The following WDFY4 variants were observed in gnomAD, a reference collection of about 807,000 sequenced individuals.
WDFY4 encodes WD repeat- and FYVE domain-containing protein 4.
In WDFY4, 169 loss-of-function variants were observed where a neutral mutation model predicts 351.9. The ratio of observed to expected loss-of-function variants is 0.48; its 90% CI spans 0.42 to 0.55. WDFY4 has a LOEUF of 0.55. Ranked by LOEUF, WDFY4 falls within the 20% of genes least tolerant of loss-of-function variation. WDFY4 has a pLI of 0.00. For synonymous variants in WDFY4, 1,622 were observed against 1,574.6 expected (o/e 1.03, Z -0.71); for missense variants, 3,803 against 3,935.6 (o/e 0.97, Z 0.90).
intron 2 of WDFY4, among the ~76,000 whole-genome samples, chr10:48,719,087 A>AT (rs1231307331): frequency 1.3e-5 from 2 of 152,246 alleles, no homozygotes; most frequent in Admixed American, 6.5e-5. Flanking sequence ...AGATTGAGAA[A>AT]TTTGATTTCA....
intron 13 of WDFY4, among the ~76,000 whole-genome samples, chr10:48,768,316 C>A (rs372867485): frequency 6.6e-6 from 1 of 152,166 alleles, no homozygotes; most frequent in South Asian, 2.1e-4. Flanking sequence ...CTTGCCCATG[C>A]GCTGGCATGG....
rs373326719 is a variant in WDFY4, at chr10:48,810,769, C to T, written c.5044+34C>T. On this transcript the variant is annotated intron_variant, in intron 29 of 61. Coordinates refer to ENST00000325239, the MANE Select transcript of WDFY4 (RefSeq NM_001394531.1). The stretch of plus-strand genomic sequence containing the variant: ...GTGGCTGTCTCCAGGGAGTGGGGCA[C>T]CACCTAGTCCTGGGATGTGAATGAG... 4.5e-5 allele frequency: 66 copies of T among 1,478,956 alleles called. No homozygotes were observed. In the African/African-American group the frequency reaches 8.8e-4, roughly 20 times the overall value. The allele number at this position is 1,478,956 out of a possible 1,614,324, so 91.6% of individuals were successfully genotyped here.
Position 48,727,486 on chromosome 10 carries a change from G to A in WDFY4, c.798G>A (p.Arg266=). The part of the protein sequence containing the change: ...IQYLQATDCV[R]LSLQNLSRLT... The stretch of plus-strand genomic sequence containing the variant: ...CTCCTGCAGCCACAGACTGTGTCAG[G>A]CTCTCCCTCCAGAACCTCTCCAGGC... Residue 266 remains arginine (R), a synonymous_variant, in exon 7 of 62, where the codon AGG becomes AGA. Coordinates refer to ENST00000325239, the MANE Select transcript of WDFY4 (RefSeq NM_001394531.1). 2 of 1,551,674 alleles carry A rather than the reference G, an allele frequency of 1.3e-6. No individual in the cohort carries two copies. Among genetic ancestry groups the A allele is most frequent in the East Asian group, 2.4e-5 (1 of 40,920 alleles).
chr10:48,891,788 C>T (rs974805705), intron 44 of WDFY4, among the ~76,000 whole-genome samples: 3 of 152,228 alleles, frequency 2.0e-5, no homozygotes, highest in African/African-American at 7.2e-5. Context: ...TTTTAGGCTG[C>T]TGACTGAGGA....
chr10:48,743,693 G>A (rs1175074137), intron 12 of WDFY4, 145 bp downstream of exon 12: 1 of 972,220 alleles, frequency 1.0e-6, no homozygotes, highest in African/African-American at 1.6e-5. Flanking sequence ...CTCAAATCAA[G>A]TTAGCTCTGA....
In WDFY4 at chr10:48,867,247, G is replaced by A; in HGVS notation, c.6664-18G>A. The A allele has an allele frequency of 7.6e-7, 1 of 1,313,940 alleles. No individual in the cohort carries two copies. 81.4% of individuals were successfully genotyped at this position (1,313,940 alleles called of 1,614,324 possible). ...CACAACTATCATTAAGCTGTGACTTGTTTTCTCCTTTCTCCAGGATTTTGT... is the reference window on the plus strand; with the variant it reads ...CACAACTATCATTAAGCTGTGACTTATTTTCTCCTTTCTCCAGGATTTTGT... On this transcript the variant is annotated intron_variant, in intron 39 of 61. Transcript: ENST00000325239.
At chr10:48,907,945 G>A (rs7086101) in intron 47 of WDFY4, among the ~76,000 whole-genome samples, 43,872 of 152,200 alleles carry the variant, frequency 0.29, 7,627 homozygotes, top group East Asian at 0.72. Context: ...CTCAAAATGA[G>A]AGTGACAGCC....
intron 44 of WDFY4, among the ~76,000 whole-genome samples, chr10:48,891,330 A>G (rs1283561358): frequency 6.6e-6 from 1 of 152,236 alleles, no homozygotes; most frequent in Non-Finnish European, 1.5e-5. Flanking sequence ...GACCTTTGGC[A>G]GGAAATGCCA....
Position 48,864,011 on chromosome 10 carries a change from C to G in WDFY4, c.6664-3254C>G, listed in dbSNP as rs539176393. On this transcript the variant is annotated intron_variant, in intron 39 of 61. Coordinates refer to ENST00000325239, the MANE Select transcript of WDFY4 (RefSeq NM_001394531.1). Reference sequence around the variant, plus strand: ...CACACCATGATTTAGTTGCCTCCACCTGGTCTCCCCCTTGACACGTGGAAA... The same window carrying G: ...CACACCATGATTTAGTTGCCTCCACGTGGTCTCCCCCTTGACACGTGGAAA... Among the ~76,000 whole-genome samples, 6 of 152,266 alleles carry G rather than the reference C, an allele frequency of 3.9e-5. No homozygotes were observed. In the East Asian group the frequency reaches 1.2e-3, roughly 29 times the overall value.
chr10:48,752,655 T>G (rs2065218126), intron 12 of WDFY4, among the ~76,000 whole-genome samples: 1 of 152,276 alleles, frequency 6.6e-6, no homozygotes, highest in African/African-American at 2.4e-5. Context: ...GTTTGACTTC[T>G]TTCAGGTAGC....
intron 39 of WDFY4, among the ~76,000 whole-genome samples, chr10:48,863,712 C>A (rs538845770): frequency 1.3e-5 from 2 of 151,972 alleles, no homozygotes; most frequent in South Asian, 4.2e-4. Flanking sequence ...TCCAACTTAC[C>A]CTTTTTGTAT....
At position 48,890,718 on chromosome 10, in the gene WDFY4, G is replaced by A; in HGVS notation, c.7307G>A (p.Cys2436Tyr). Residue 2436 changes from cysteine (C) to tyrosine (Y), a missense_variant, in exon 44 of 62, where the codon TGC (cysteine) becomes TAC (tyrosine). By Grantham distance (194) the Cys-to-Tyr change is radical. Around this residue, in one of 3 missense-constraint regions of WDFY4, gnomAD observed 3,054 missense variants for 3,148.6 expected, o/e 0.97. Coordinates refer to ENST00000325239, the MANE Select transcript of WDFY4 (RefSeq NM_001394531.1). ...PTGDVYCTRHCLSNISDPFIF... is the reference protein window; with the variant it reads ...PTGDVYCTRHYLSNISDPFIF... ...GGTGATGTCTACTGTACCCGTCACT[G>A]CTTATCCAAGTGAGTTATCCACTTC... is the stretch of plus-strand genomic sequence containing the variant. 6.4e-7 allele frequency: 1 copy of A among 1,551,656 alleles called. No homozygotes were observed. Among genetic ancestry groups the A allele is most frequent in the Non-Finnish European group, 8.7e-7 (1 of 1,146,982 alleles).
intron 1 of WDFY4, among the ~76,000 whole-genome samples, chr10:48,709,016 C>T (rs11101435): frequency 0.85 from 127,401 of 150,522 alleles, 54,846 homozygotes; most frequent in East Asian, 0.93. Flanking sequence ...CACCCCCCCC[C>T]CCCAAACAGG....
At chr10:48,922,321 G>A (rs1158091031) in intron 47 of WDFY4, among the ~76,000 whole-genome samples, 5 of 152,126 alleles carry the variant, frequency 3.3e-5, no homozygotes, top group Non-Finnish European at 1.5e-5. Context: ...CTGCCTGTTC[G>A]TCACTTAGTA....
At chr10:48,739,445 A>C (rs2132394030) in intron 11 of WDFY4, among the ~76,000 whole-genome samples, 1 of 152,368 alleles carries the variant, frequency 6.6e-6, no homozygotes, top group African/African-American at 2.4e-5. Flanking sequence ...TTATCATGCA[A>C]AGTTGAATGA....
intron 12 of WDFY4, among the ~76,000 whole-genome samples, chr10:48,758,380 G>A (rs542394523): frequency 6.6e-6 from 1 of 152,282 alleles, no homozygotes; most frequent in African/African-American, 2.4e-5. Flanking sequence ...TGATTGTGCT[G>A]TGTCTGGGCA....
At chr10:48,694,463 C>T (rs1166852808) in intron 1 of WDFY4, among the ~76,000 whole-genome samples, 2 of 152,108 alleles carry the variant, frequency 1.3e-5, no homozygotes, top group Non-Finnish European at 2.9e-5. Flanking sequence ...TTCCACCACC[C>T]CCTAGCCTCC....
intron 39 of WDFY4, among the ~76,000 whole-genome samples, chr10:48,857,715 C>T (rs2069185446): frequency 6.6e-6 from 1 of 152,026 alleles, no homozygotes; most frequent in African/African-American, 2.4e-5. Context: ...GTACTAAGGT[C>T]TTTATATCTT....
intron 32 of WDFY4, among the ~76,000 whole-genome samples, chr10:48,818,403 C>T (rs2067696697): frequency 6.6e-6 from 1 of 152,176 alleles, no homozygotes; most frequent in African/African-American, 2.4e-5. Context: ...ATGGCGGCAG[C>T]CTCCATCTCC....
Sources: allele counts gnomAD v4.1 joint callset (sites outside exome capture counted in the v4.1 genomes callset), GRCh38; gene constraint gnomAD v4.1.1; regional missense constraint gnomAD v4.1.1; transcripts MANE v1.5; gene names NCBI Gene and HGNC (gene_info 2026-07-23, HGNC 2026-07-21).